The following RAPGEF4 variants were observed in gnomAD, a reference collection of about 807,000 sequenced individuals.
RAPGEF4 encodes the protein RAP guanine-nucleotide-exchange factor (GEF) 4.
In RAPGEF4, 66 loss-of-function variants were observed where a neutral mutation model predicts 147.9. The ratio of observed to expected loss-of-function variants is 0.45; its 90% confidence interval spans 0.37 to 0.55. The LOEUF is 0.55. Ranked by LOEUF, RAPGEF4 falls within the 20% of genes least tolerant of loss-of-function variation. The pLI, the probability that RAPGEF4 is intolerant of heterozygous loss-of-function variation, is 0.00. For synonymous variants in RAPGEF4, 419 were observed against 442.7 expected, an observed-to-expected ratio of 0.95 and a Z score of 0.67; for missense variants, 1,071 against 1,257.3, an observed-to-expected ratio of 0.85 and a Z score of 2.24.
chr2:172,828,634 G>T (rs1452990810), intron 4 of RAPGEF4, among the ~76,000 whole-genome samples: 1 of 152,128 alleles, frequency 6.6e-6, no homozygotes, highest in Non-Finnish European at 1.5e-5. Context: ...CTTGCTAGGG[G>T]TAGCAGACTC....
chr2:172,982,964 G>A (rs572647141), intron 10 of RAPGEF4, among the ~76,000 whole-genome samples: 32 of 152,196 alleles, frequency 2.1e-4, no homozygotes, highest in South Asian at 4.2e-4. Flanking sequence ...AAAAGAAAAT[G>A]TTGAGTCTGC....
chr2:172,862,211 G>A (rs1214249260), intron 4 of RAPGEF4, among the ~76,000 whole-genome samples: 1 of 152,192 alleles, frequency 6.6e-6, no homozygotes, highest in Non-Finnish European at 1.5e-5. Context: ...TAATTATCTT[G>A]TAGTTAGGAA....
At chr2:172,972,393 TGG>T (rs1343979634) in intron 10 of RAPGEF4, among the ~76,000 whole-genome samples, 8 of 152,346 alleles carry the variant, frequency 5.3e-5, no homozygotes, top group African/African-American at 1.7e-4. Flanking sequence ...TGATTTCTGC[TGG>T]GATGTGTCAA....
chr2:172,769,266 A>G (rs1035380940), intron 1 of RAPGEF4, among the ~76,000 whole-genome samples: 2 of 152,218 alleles, frequency 1.3e-5, no homozygotes, highest in Non-Finnish European at 2.9e-5. Context: ...GGAGTCACGA[A>G]AAGTATGAAA....
At chr2:172,821,738 A>T (rs1472016797) in intron 4 of RAPGEF4, 42 of 296,938 alleles carry the variant, frequency 1.4e-4, no homozygotes, top group Admixed American at 7.3e-4. Flanking sequence ...AACTAAAGTT[A>T]AAAAAAAAAA....
chr2:172,784,083 C>T (rs776488703), intron 1 of RAPGEF4, among the ~76,000 whole-genome samples: 8 of 152,176 alleles, frequency 5.3e-5, no homozygotes, highest in Non-Finnish European at 1.0e-4. Context: ...CCACATTTCA[C>T]CTTGATACTT....
chr2:172,742,424 T>A (rs942795800), intron 1 of RAPGEF4, among the ~76,000 whole-genome samples: 3 of 152,226 alleles, frequency 2.0e-5, no homozygotes, highest in Non-Finnish European at 4.4e-5. Flanking sequence ...TGCAGTTTTT[T>A]AAAACATGTT....
At chr2:172,876,285 G>A (rs1575109548) in intron 4 of RAPGEF4, among the ~76,000 whole-genome samples, 2 of 152,078 alleles carry the variant, frequency 1.3e-5, no homozygotes, top group African/African-American at 4.8e-5. Flanking sequence ...CTAACACTAT[G>A]TTGAATAGGA....
chr2:172,987,103 A>T (rs961770909), intron 12 of RAPGEF4, among the ~76,000 whole-genome samples: 8 of 152,152 alleles, frequency 5.3e-5, no homozygotes, highest in Admixed American at 5.2e-4. Context: ...CCTTGAGTCC[A>T]GGAGTTCGAG....
chr2:172,845,924 A>G (rs1692128900), intron 4 of RAPGEF4, among the ~76,000 whole-genome samples: 2 of 152,164 alleles, frequency 1.3e-5, no homozygotes, highest in African/African-American at 4.8e-5. Context: ...ACAGTAGCTC[A>G]GGGGAATGGA....
At chr2:173,009,799 C>G (rs1694836381) in intron 17 of RAPGEF4, among the ~76,000 whole-genome samples, 1 of 152,160 alleles carries the variant, frequency 6.6e-6, no homozygotes, top group South Asian at 2.1e-4. Flanking sequence ...TTCTGTGCCT[C>G]TCTATCAGAT....
In RAPGEF4 at chr2:173,030,328, A is replaced by C. The variant is rs967183422; in HGVS notation, c.2649+74A>C. The C allele has an allele frequency of 3.4e-6, 4 of 1,166,676 alleles. No individual in the cohort carries two copies. The African/African-American group carries it at 4.6e-5, about 13-fold the overall frequency. The allele number at this position is 1,166,676 out of a possible 1,614,324, so 72.3% of individuals were successfully genotyped here. ...ACACAGGCTCACCAGTGAGCTTTTTAATAGAAATATCACTCACACTAGTAT... is the reference window on the plus strand; with the variant it reads ...ACACAGGCTCACCAGTGAGCTTTTTCATAGAAATATCACTCACACTAGTAT... On this transcript the variant is annotated intron_variant, in intron 26 of 30. Transcript: ENST00000397081.
intron 1 of RAPGEF4, among the ~76,000 whole-genome samples, chr2:172,780,165 G>A (rs577777231): frequency 1.3e-5 from 2 of 151,550 alleles, no homozygotes; most frequent in East Asian, 3.9e-4. Context: ...TGATTAACAA[G>A]AAAAAAAACA....
At chr2:172,780,546 T>C (rs1379950039) in intron 1 of RAPGEF4, among the ~76,000 whole-genome samples, 2 of 152,198 alleles carry the variant, frequency 1.3e-5, no homozygotes. Flanking sequence ...ATTTATGTCT[T>C]CTTTTTAGGC....
At chr2:172,835,209 G>A (rs752663376) in intron 4 of RAPGEF4, among the ~76,000 whole-genome samples, 3 of 152,220 alleles carry the variant, frequency 2.0e-5, no homozygotes, top group Non-Finnish European at 2.9e-5. Context: ...GTGTCACCTA[G>A]CAGCTTTGAT....
At chr2:172,794,430 G>A (rs1003126810) in intron 1 of RAPGEF4, among the ~76,000 whole-genome samples, 2 of 150,940 alleles carry the variant, frequency 1.3e-5, no homozygotes, top group Non-Finnish European at 3.0e-5. Context: ...GGGAAGATTT[G>A]ACAACATCTG....
At chr2:172,866,143 A>G (rs1694617283) in intron 4 of RAPGEF4, among the ~76,000 whole-genome samples, 2 of 152,184 alleles carry the variant, frequency 1.3e-5, no homozygotes, top group East Asian at 1.9e-4. Context: ...CAAAACCTTC[A>G]TCTTCCCCTT....
intron 29 of RAPGEF4, among the ~76,000 whole-genome samples, chr2:173,044,448 T>A (rs1306709933): frequency 1.3e-5 from 2 of 152,204 alleles, no homozygotes; most frequent in Non-Finnish European, 2.9e-5. Flanking sequence ...CATCTACTTC[T>A]GTGCCCCTCT....
intron 7 of RAPGEF4, 24 bp downstream of exon 7, chr2:172,960,837 T>C (rs1003359829): frequency 1.3e-6 from 2 of 1,564,026 alleles, no homozygotes; most frequent in Non-Finnish European, 1.7e-6. Flanking sequence ...GGTGGGTTGA[T>C]GAGCCATTGA....
Sources: gnomAD v4.1 joint callset for allele counts (sites outside exome capture counted in the v4.1 genomes callset) on GRCh38, gnomAD v4.1.1 for gene constraint, MANE v1.5 for transcripts, NCBI Gene and HGNC (gene_info 2026-07-23, HGNC 2026-07-21) for gene names.